The following PIAS2 variants were observed in gnomAD, a reference collection of about 807,000 sequenced individuals.
PIAS2 encodes the protein E3 SUMO-protein ligase PIAS2.
In PIAS2, 19 loss-of-function variants were observed where a neutral mutation model predicts 69.7. That is an observed-to-expected ratio of 0.27 (90% CI 0.19 to 0.40). PIAS2 has a LOEUF of 0.40. Among genes scored for constraint, PIAS2 ranks in the 10% least tolerant of loss-of-function variants. The pLI is 1.00. For synonymous variants in PIAS2, 261 were observed against 263.2 expected (o/e 0.99, Z 0.08); for missense variants, 624 against 757.0 (o/e 0.82, Z 2.06).
At chr18:46,825,698 T>G (rs1057179962) in intron 11 of PIAS2, among the ~76,000 whole-genome samples, 1 of 152,218 alleles carries the variant, frequency 6.6e-6, no homozygotes, top group African/African-American at 2.4e-5. Context: ...ACACTATGCT[T>G]ATTTTATTAA....
rs780486820 is a variant in PIAS2, at chr18:46,890,617, A to G, written c.462T>C (p.Tyr154=). The G allele has an allele frequency of 1.9e-6, 3 of 1,613,992 alleles. No homozygotes were observed. Among genetic ancestry groups the G allele is most frequent in the Non-Finnish European group, 2.5e-6 (3 of 1,179,956 alleles). The change falls in exon 2 of 14, where the codon TAT becomes TAC. Residue 154 remains tyrosine (Y), a synonymous_variant. Transcript: ENST00000585916. The part of the protein sequence containing the change: ...PDVQLKNLPF[Y]DVLDVLIKPT... ...GCTTGATGAGAACATCAAGGACATCATAAAAGGGCAGATTTTTTAACTGCA... is the reference window on the plus strand; with the variant it reads ...GCTTGATGAGAACATCAAGGACATCGTAAAAGGGCAGATTTTTTAACTGCA...
At chr18:46,914,565 C>A (rs906720627) in intron 1 of PIAS2, among the ~76,000 whole-genome samples, 9 of 147,766 alleles carry the variant, frequency 6.1e-5, no homozygotes, top group Middle Eastern at 3.4e-3. Context: ...CCCTCCCCCC[C>A]CCAACTCCAC....
upstream of PIAS2, chr18:46,920,038 C>A (rs763810230): frequency 5.4e-5 from 69 of 1,287,670 alleles, no homozygotes; most frequent in South Asian, 1.9e-4. Flanking sequence ...AAAAGAAAAG[C>A]AAAGCCCCAC....
chr18:46,870,678 G>T (rs964451473), intron 2 of PIAS2, among the ~76,000 whole-genome samples: 1 of 150,710 alleles, frequency 6.6e-6, no homozygotes, highest in African/African-American at 2.4e-5. Context: ...ACCCATGTGG[G>T]GTAGCAGATC....
intron 2 of PIAS2, among the ~76,000 whole-genome samples, chr18:46,868,992 TAAG>T (rs2049916040): frequency 6.6e-6 from 1 of 152,192 alleles, no homozygotes; most frequent in African/African-American, 2.4e-5. Context: ...CAAACCAAGG[TAAG>T]AAAAGTCGTG....
rs566576373 is a variant in PIAS2 at position 46,812,341 on chromosome 18, TAA to T, written c.*90_*91del. Reference sequence around the variant, plus strand: ...TGACTTTCAATAAATACCAAATTATTAAAAAAAAAAAAAAAAGAACGTTTCCA... The same window carrying T: ...TGACTTTCAATAAATACCAAATTATTAAAAAAAAAAAAAAGAACGTTTCCA... On this transcript the variant is annotated 3_prime_UTR_variant, in exon 14 of 14. Coordinates refer to ENST00000585916, the MANE Select transcript of PIAS2 (RefSeq NM_004671.5). 38,305 of 565,494 alleles carry T rather than the reference TAA, an allele frequency of 0.068. 469 individuals carry two copies. Among genetic ancestry groups the T allele is most frequent in the Non-Finnish European group, 0.082 (28,563 of 349,064 alleles). The allele number at this position is 565,494 out of a possible 1,614,324, so 35.0% of individuals were successfully genotyped here.
intron 2 of PIAS2, among the ~76,000 whole-genome samples, chr18:46,876,093 G>C (rs757653188): frequency 1.2e-4 from 18 of 152,194 alleles, no homozygotes; most frequent in African/African-American, 3.1e-4. Flanking sequence ...TGATCCATCC[G>C]CAAGTGGATG....
At chr18:46,843,003 C>T (rs1392998992) in intron 8 of PIAS2, among the ~76,000 whole-genome samples, 1 of 152,148 alleles carries the variant, frequency 6.6e-6, no homozygotes, top group Non-Finnish European at 1.5e-5. Flanking sequence ...AAGAGATGTA[C>T]TTGTAATCAG....
At chr18:46,858,193 T>C (rs989230057) in intron 3 of PIAS2, among the ~76,000 whole-genome samples, 6 of 150,492 alleles carry the variant, frequency 4.0e-5, no homozygotes, top group Non-Finnish European at 7.4e-5. Context: ...GAGTACAGGT[T>C]GTTAGAAAAG....
At chr18:46,881,620 A>G (rs987044391) in intron 2 of PIAS2, among the ~76,000 whole-genome samples, 1 of 152,202 alleles carries the variant, frequency 6.6e-6, no homozygotes, top group African/African-American at 2.4e-5. Context: ...CACTACAAGA[A>G]GCCTTGACTG....
intron 8 of PIAS2, 74 bp downstream of exon 8, chr18:46,843,980 A>G: frequency 1.2e-6 from 1 of 841,124 alleles, no homozygotes; most frequent in Non-Finnish European, 1.9e-6. Context: ...ATTCATTCCC[A>G]CACTTACTTT....
intron 9 of PIAS2, 30 bp downstream of exon 9, chr18:46,836,327 C>T: frequency 6.4e-7 from 1 of 1,568,386 alleles, no homozygotes; most frequent in Non-Finnish European, 8.8e-7. Context: ...TGTATTAGTC[C>T]ATATCAGCTG....
At chr18:46,838,084 G>C (rs928558866) in intron 8 of PIAS2, among the ~76,000 whole-genome samples, 9 of 152,158 alleles carry the variant, frequency 5.9e-5, no homozygotes, top group Non-Finnish European at 1.0e-4. Context: ...GCTCTGCCTG[G>C]GAGGCAGGCT....
chr18:46,871,602 T>G (rs1430677120), intron 2 of PIAS2, among the ~76,000 whole-genome samples: 3 of 152,170 alleles, frequency 2.0e-5, no homozygotes, highest in African/African-American at 7.2e-5. Context: ...CTTGATAAAC[T>G]TAGAGGTGGG....
chr18:46,846,887 G>T (rs759031889), intron 5 of PIAS2, 46 bp from the exon 6 acceptor site: 2 of 1,498,382 alleles, frequency 1.3e-6, no homozygotes, highest in African/African-American at 1.4e-5. Context: ...TCTGCAGGAA[G>T]ATTAAACATT....
At chr18:46,847,408 CA>C (rs1428549623) in intron 5 of PIAS2, among the ~76,000 whole-genome samples, 10 of 151,648 alleles carry the variant, frequency 6.6e-5, no homozygotes, top group African/African-American at 2.2e-4. Flanking sequence ...TTTCAGTTGT[CA>C]TTAAATGAGC....
chr18:46,847,521 G>T (rs775524739), intron 5 of PIAS2, among the ~76,000 whole-genome samples: 1 of 144,806 alleles, frequency 6.9e-6, no homozygotes, highest in Non-Finnish European at 1.5e-5. Flanking sequence ...TGGCTCTGTC[G>T]CCCAGGCTGG....
chr18:46,844,086 T>C lies in PIAS2; in HGVS notation c.1009A>G (p.Thr337Ala), dbSNP rs2045812573. The C allele has an allele frequency of 2.6e-6, 4 of 1,541,098 alleles. No individual in the cohort carries two copies. The highest frequency in any genetic ancestry group is 1.4e-5 in the African/African-American group (1 of 71,652). ...LTADPDSEIA[T>A]TSLRVSLMCP... ...ATCAAGGATACCCGAAGGCTAGTTG[T>C]AGCAATTTCACTATCAGGATCTGCA... The change falls in exon 8 of 14, where the codon ACA (threonine) becomes GCA (alanine). Residue 337 changes from threonine to alanine, a missense_variant. Coordinates refer to ENST00000585916, the MANE Select transcript of PIAS2 (RefSeq NM_004671.5).
At chr18:46,919,562 T>C (rs1434727461), upstream of PIAS2, among the ~76,000 whole-genome samples, 2 of 151,760 alleles carry the variant, frequency 1.3e-5, no homozygotes, top group Admixed American at 6.6e-5. Flanking sequence ...GACAGGAAAA[T>C]TGCTTGAACC....
Sources: allele counts gnomAD v4.1 joint callset (sites outside exome capture counted in the v4.1 genomes callset), GRCh38; gene constraint gnomAD v4.1.1; transcripts MANE v1.5; gene names NCBI Gene and HGNC (gene_info 2026-07-23, HGNC 2026-07-21).